Variants in CHCHD6 observed in about 807,000 individuals in gnomAD.
CHCHD6 encodes the protein MICOS complex subunit MIC25.
Under a neutral mutation model 32.3 loss-of-function variants are expected in CHCHD6, and 28 were observed. The observed-to-expected ratio is 0.87, with a 90% CI of 0.64 to 1.19. CHCHD6 has a LOEUF of 1.19. Among genes scored for constraint, CHCHD6 ranks in the 50% most tolerant of loss-of-function variants. CHCHD6 has a pLI of 0.00. For missense variants in CHCHD6, 333 were observed against 307.0 expected (o/e 1.08, Z -0.63); for synonymous variants, 122 against 117.5 (o/e 1.04, Z -0.25).
chr3:126,908,016 T>A (rs2078030174), intron 5 of CHCHD6, among the ~76,000 whole-genome samples: 1 of 152,184 alleles, frequency 6.6e-6, no homozygotes, highest in Admixed American at 6.5e-5. Context: ...AGTTTCTTCA[T>A]CTGTCAAAGG....
intron 1 of CHCHD6, among the ~76,000 whole-genome samples, chr3:126,713,403 T>A (rs764964723): frequency 1.3e-5 from 2 of 152,184 alleles, no homozygotes; most frequent in African/African-American, 2.4e-5. Flanking sequence ...GTTAAAGGCA[T>A]GTTTCCGGGC....
At chr3:126,867,872 T>A (rs1942340120) in intron 5 of CHCHD6, among the ~76,000 whole-genome samples, 1 of 152,352 alleles carries the variant, frequency 6.6e-6, no homozygotes, top group Admixed American at 6.5e-5. Flanking sequence ...CCACCTATGA[T>A]CTGGCATCCA....
intron 5 of CHCHD6, among the ~76,000 whole-genome samples, chr3:126,862,533 T>C (rs867368496): frequency 0.038 from 361 of 9,576 alleles, no homozygotes; most frequent in Middle Eastern, 0.062. Flanking sequence ...CCTCACCCTC[T>C]TCCACCATCA....
intron 6 of CHCHD6, among the ~76,000 whole-genome samples, chr3:126,923,592 G>A (rs1245035901): frequency 6.6e-6 from 1 of 152,242 alleles, no homozygotes; most frequent in Non-Finnish European, 1.5e-5. Flanking sequence ...TTGAGGCAGG[G>A]CCTTGCACAA....
Position 126,957,417 on chromosome 3 carries a change from C to A in CHCHD6, c.568C>A (p.Pro190Thr). The change falls in exon 7 of 8, where the codon CCC (proline) becomes ACC (threonine). Residue 190 changes from proline (P) to threonine (T), a missense_variant and splice_region_variant. Pro to Thr is a conservative substitution (Grantham distance 38, BLOSUM62 -1). Transcript: ENST00000290913. Reference protein sequence around the residue: ...AASKMESTIKPRRVEPVCSGL... With the variant: ...AASKMESTIKTRRVEPVCSGL... The stretch of plus-strand genomic sequence containing the variant: ...CCTGCCTGCTCTTGTCTTCTGCAGG[C>A]CCCGCAGGGTGGAGCCCGTCTGCTC... The A allele has an allele frequency of 3.1e-6, 5 of 1,610,308 alleles. No homozygotes were observed. The highest frequency in any genetic ancestry group is 4.2e-6 in the Non-Finnish European group (5 of 1,179,018).
chr3:126,746,499 G>A (rs1332561319), intron 4 of CHCHD6, among the ~76,000 whole-genome samples: 1 of 152,140 alleles, frequency 6.6e-6, no homozygotes, highest in Non-Finnish European at 1.5e-5. Context: ...GTGGCGCTTG[G>A]TGTGCGAGTG....
intron 4 of CHCHD6, among the ~76,000 whole-genome samples, chr3:126,805,655 C>T (rs1939332475): frequency 6.6e-6 from 1 of 152,144 alleles, no homozygotes; most frequent in Non-Finnish European, 1.5e-5. Context: ...CAATGCCCTC[C>T]CCATCAAGCT....
chr3:126,912,345 G>A (rs562853359), intron 5 of CHCHD6, among the ~76,000 whole-genome samples: 115 of 152,308 alleles, frequency 7.6e-4, no homozygotes, highest in African/African-American at 2.5e-3. Flanking sequence ...CCCAGGACAG[G>A]CAGTGCTGGT....
At position 126,830,266 on chromosome 3, in the gene CHCHD6, G is replaced by A. The variant is rs114993485; in HGVS notation, c.412-22381G>A. ...TGTTCATGCTAGTGTTGGCCACCTC[G>A]TGTCATTATATGCCACTGGGCCCCA... On this transcript the variant is annotated intron_variant, in intron 4 of 7. Coordinates refer to ENST00000290913, the MANE Select transcript of CHCHD6 (RefSeq NM_032343.3). Among the ~76,000 whole-genome samples, 304 of 152,290 alleles carry A rather than the reference G, an allele frequency of 2.0e-3. 1 individual carries two copies. Among genetic ancestry groups the A allele is most frequent in the African/African-American group, 5.4e-3 (223 of 41,568 alleles).
At chr3:126,940,702 C>A (rs2078547603) in intron 6 of CHCHD6, among the ~76,000 whole-genome samples, 1 of 152,176 alleles carries the variant, frequency 6.6e-6, no homozygotes, top group South Asian at 2.1e-4. Flanking sequence ...TTTCCCAGGA[C>A]TTCCCAAGCA....
intron 6 of CHCHD6, among the ~76,000 whole-genome samples, chr3:126,916,919 C>T (rs1374023096): frequency 2.0e-5 from 3 of 152,212 alleles, no homozygotes; most frequent in Non-Finnish European, 4.4e-5. Context: ...GGAGCCAGGA[C>T]CCACCTGCCA....
At chr3:126,766,630 G>A in intron 4 of CHCHD6, 1 of 1,036,574 alleles carries the variant, frequency 9.6e-7, no homozygotes, top group Non-Finnish European at 1.5e-6. Context: ...CCGAAGGTCG[G>A]TGATGGGCCC....
At chr3:126,807,192 G>T (rs1422149983) in intron 4 of CHCHD6, among the ~76,000 whole-genome samples, 7 of 148,286 alleles carry the variant, frequency 4.7e-5, no homozygotes, top group Admixed American at 6.8e-5. Context: ...AAAACTTAAA[G>T]TATAAAAAAA....
At chr3:126,801,134 C>T (rs536959014) in intron 4 of CHCHD6, among the ~76,000 whole-genome samples, 33 of 152,360 alleles carry the variant, frequency 2.2e-4, no homozygotes, top group African/African-American at 5.0e-4. Context: ...GCGTGAGCGA[C>T]GCAGAAGATG....
At chr3:126,798,333 C>T (rs1938895682) in intron 4 of CHCHD6, among the ~76,000 whole-genome samples, 1 of 152,092 alleles carries the variant, frequency 6.6e-6, no homozygotes, top group Admixed American at 6.6e-5. Context: ...GAGTGGGAGA[C>T]ACCTGGGCCT....
In CHCHD6 at chr3:126,764,467, G is replaced by A. The variant is rs879201979; in HGVS notation, c.411+31245G>A. 9.2e-5 allele frequency among the ~76,000 whole-genome samples: 14 copies of A among 152,130 alleles called. No homozygotes were observed. The South Asian group carries it at 2.3e-3, about 25-fold the overall frequency. On this transcript the variant is annotated intron_variant, in intron 4 of 7. Coordinates refer to ENST00000290913, the MANE Select transcript of CHCHD6 (RefSeq NM_032343.3). ...TTGTTTTAAAGGATTTAACCCATTC[G>A]GAAGTTCATTTTTTAATTTAAGCCA...
intron 5 of CHCHD6, among the ~76,000 whole-genome samples, chr3:126,874,775 T>C (rs2077518703): frequency 6.6e-6 from 1 of 152,152 alleles, no homozygotes; most frequent in Admixed American, 6.5e-5. Context: ...TATTTCTCAT[T>C]ACCACACAAA....
intron 6 of CHCHD6, among the ~76,000 whole-genome samples, chr3:126,919,873 T>C (rs2078221928): frequency 6.6e-6 from 1 of 152,042 alleles, no homozygotes; most frequent in Non-Finnish European, 1.5e-5. Flanking sequence ...TACCTAGTTA[T>C]TGATTTTCTT....
At chr3:126,760,661 A>G (rs1003351559) in intron 4 of CHCHD6, among the ~76,000 whole-genome samples, 2 of 152,196 alleles carry the variant, frequency 1.3e-5, no homozygotes, top group African/African-American at 4.8e-5. Context: ...GTGTTATAGC[A>G]TGTGTCAGAA....
Sources: allele counts gnomAD v4.1 joint callset (sites outside exome capture counted in the v4.1 genomes callset), GRCh38; gene constraint gnomAD v4.1.1; transcripts MANE v1.5; gene names NCBI Gene and HGNC (gene_info 2026-07-23, HGNC 2026-07-21).